The following ARPC2 variants were observed in gnomAD, a reference collection of about 807,000 sequenced individuals.
The protein encoded by ARPC2 is actin related protein 2/3 complex subunit 2.
Under a neutral mutation model 38.6 loss-of-function variants are expected in ARPC2, and 4 were observed. That is an observed-to-expected ratio of 0.10 (90% CI 0.05 to 0.24). ARPC2 has a LOEUF of 0.24. Among genes scored for constraint, ARPC2 ranks in the 10% least tolerant of loss-of-function variants. The probability of loss-of-function intolerance (pLI) is 1.00; values close to 1 mark genes in which losing one functional copy is unlikely to be tolerated. For synonymous variants in ARPC2, 125 were observed against 140.8 expected, an observed-to-expected ratio of 0.89 and a Z score of 0.79; for missense variants, 229 against 387.3, an observed-to-expected ratio of 0.59 and a Z score of 3.43.
At chr2:218,252,569 A>C (rs1690216989) in intron 10 of ARPC2, among the ~76,000 whole-genome samples, 3 of 152,192 alleles carry the variant, frequency 2.0e-5, no homozygotes. Context: ...CCCAGTAGAC[A>C]GGCAGTTCAG....
chr2:218,253,644 C>T (rs139174846), intron 10 of ARPC2, among the ~76,000 whole-genome samples: 128 of 152,308 alleles, frequency 8.4e-4, no homozygotes, highest in Admixed American at 3.9e-4. Context: ...GTTGAATGTC[C>T]TTGTGGGCTT....
Position 218,240,409 on chromosome 2 carries a change from G to A in ARPC2, c.549+925G>A, listed in dbSNP as rs182379868. On this transcript the variant is annotated intron_variant, in intron 7 of 10. Coordinates refer to ENST00000315717, the MANE Select transcript of ARPC2 (RefSeq NM_152862.3). ...AGGTTTCCTAACCCTAACCTCTTGT[G>A]TTTCCTCAGATTTCTAGTAAGGTGG... Among the ~76,000 whole-genome samples, 4 of 152,296 alleles carry A rather than the reference G, an allele frequency of 2.6e-5. No homozygotes were observed. In the East Asian group the frequency reaches 7.7e-4, roughly 29 times the overall value.
At position 218,250,817 on chromosome 2, in the gene ARPC2, A is replaced by T. The variant is rs528233679; in HGVS notation, c.878+896A>T. ...ATGAAATTCAGGCAGTCCTGTCCTTAAGATAAGGTAATAGTGTTCATTTGC... is the reference window on the plus strand; with the variant it reads ...ATGAAATTCAGGCAGTCCTGTCCTTTAGATAAGGTAATAGTGTTCATTTGC... On this transcript the variant is annotated intron_variant, in intron 10 of 10. Coordinates refer to ENST00000315717, the MANE Select transcript of ARPC2 (RefSeq NM_152862.3). Among the ~76,000 whole-genome samples, 3 of 152,104 alleles carry T rather than the reference A, an allele frequency of 2.0e-5. No individual in the cohort carries two copies. In the East Asian group the frequency reaches 5.8e-4, roughly 29 times the overall value.
At chr2:218,239,027 C>G in intron 6 of ARPC2, 177 bp downstream of exon 6, 1 of 591,552 alleles carries the variant, frequency 1.7e-6, no homozygotes. Context: ...TCCTCCTACT[C>G]TCCAGATACT....
Position 218,245,093 on chromosome 2 carries a change from A to G in ARPC2, c.550-327A>G, listed in dbSNP as rs1574591986. 2.0e-5 allele frequency among the ~76,000 whole-genome samples: 3 copies of G among 152,234 alleles called. 1 individual carries two copies. The East Asian group carries it at 5.8e-4, about 29-fold the overall frequency. ...AAATAGCAACAGGATCCTCAGTGAA[A>G]AAAGACTCATGCAAAGTCCCAGAGC... On this transcript the variant is annotated intron_variant, in intron 7 of 10. Transcript: ENST00000315717.
intron 4 of ARPC2, among the ~76,000 whole-genome samples, chr2:218,230,807 CAGG>C (rs909742811): frequency 6.6e-6 from 1 of 151,922 alleles, no homozygotes; most frequent in African/African-American, 2.4e-5. Context: ...TGCTGGAGCC[CAGG>C]AGTTCAAGTC....
intron 3 of ARPC2, among the ~76,000 whole-genome samples, chr2:218,227,484 C>T (rs1448264506): frequency 6.6e-6 from 1 of 152,040 alleles, no homozygotes; most frequent in East Asian, 1.9e-4. Context: ...AGTGCAGTGG[C>T]GTTGATAATC....
chr2:218,238,477 A>G (rs1439517510), intron 5 of ARPC2, among the ~76,000 whole-genome samples, 187 bp from the exon 6 acceptor site: 2 of 152,090 alleles, frequency 1.3e-5, no homozygotes, highest in Non-Finnish European at 2.9e-5. Flanking sequence ...GAAATAGACT[A>G]TATTCTACCC....
chr2:218,252,918 G>C (rs1384382211), intron 10 of ARPC2: 1 of 456,680 alleles, frequency 2.2e-6, no homozygotes, highest in African/African-American at 2.0e-5. Context: ...CTTAGAAAGA[G>C]CAACTTTGCC....
At chr2:218,230,352 CACAA>C (rs1689606461) in intron 4 of ARPC2, among the ~76,000 whole-genome samples, 1 of 124,452 alleles carries the variant, frequency 8.0e-6, no homozygotes, top group Non-Finnish European at 1.6e-5. Context: ...AGTGCAGTGG[CACAA>C]TCACAGCCAC....
chr2:218,221,812 A>T (rs1689389385), intron 2 of ARPC2, among the ~76,000 whole-genome samples: 1 of 152,156 alleles, frequency 6.6e-6, no homozygotes, highest in Non-Finnish European at 1.5e-5. Context: ...CCTCTTACCT[A>T]ATATGATCTA....
chr2:218,226,510 T>C (rs950818563), intron 3 of ARPC2, among the ~76,000 whole-genome samples: 1 of 148,422 alleles, frequency 6.7e-6, no homozygotes, highest in African/African-American at 2.5e-5. Flanking sequence ...GCACCTGTAG[T>C]CCCAGCTACT....
At chr2:218,248,804 A>G (rs1376159343) in intron 8 of ARPC2, among the ~76,000 whole-genome samples, 1 of 152,202 alleles carries the variant, frequency 6.6e-6, no homozygotes, top group Non-Finnish European at 1.5e-5. Flanking sequence ...GGTGGACTTC[A>G]GTCAGGCCCA....
Position 218,249,401 on chromosome 2 carries a change from C to A in ARPC2, c.714C>A (p.Asp238Glu). The change falls in exon 9 of 11, where the codon GAC becomes GAA. Residue 238 changes from aspartate (D) to glutamate (E), a missense_variant. Asp to Glu is a conservative substitution (Grantham distance 45, BLOSUM62 2). Coordinates refer to ENST00000315717, the MANE Select transcript of ARPC2 (RefSeq NM_152862.3). ...FPRHTNASAR[D>E]NTINLIHTFR... Reference sequence around the variant, plus strand: ...GTCACACCAATGCCAGTGCTCGAGACAACACCATCAACCTGATCCACACGT... The same window carrying A: ...GTCACACCAATGCCAGTGCTCGAGAAAACACCATCAACCTGATCCACACGT... The A allele has an allele frequency of 1.2e-6, 2 of 1,613,640 alleles. No individual in the cohort carries two copies. Among genetic ancestry groups the A allele is most frequent in the Non-Finnish European group, 1.7e-6 (2 of 1,179,844 alleles).
intron 10 of ARPC2, among the ~76,000 whole-genome samples, chr2:218,251,356 C>T (rs771957432): frequency 2.6e-5 from 4 of 152,120 alleles, no homozygotes; most frequent in Admixed American, 2.6e-4. Context: ...GGACTACAGG[C>T]GTGCGCCACT....
chr2:218,247,833 C>T (rs1436074159), intron 8 of ARPC2, among the ~76,000 whole-genome samples: 1 of 152,070 alleles, frequency 6.6e-6, no homozygotes, highest in Admixed American at 6.6e-5. Context: ...GTCCCAGCTA[C>T]CCTGAAGGCT....
At chr2:218,242,964 A>G (rs767729126) in intron 7 of ARPC2, among the ~76,000 whole-genome samples, 6 of 152,180 alleles carry the variant, frequency 3.9e-5, no homozygotes, top group Non-Finnish European at 7.3e-5. Context: ...TTTTTACATA[A>G]TCAAATTAAT....
intron 2 of ARPC2, among the ~76,000 whole-genome samples, chr2:218,219,626 A>G (rs996475038): frequency 6.6e-6 from 1 of 152,198 alleles, no homozygotes; most frequent in African/African-American, 2.4e-5. Flanking sequence ...CTGGGATTAC[A>G]GCACTGCTCC....
At position 218,228,721 on chromosome 2, in the gene ARPC2, A is replaced by C. The variant is rs1689565486; in HGVS notation, c.110-17A>C. On this transcript the variant is annotated splice_polypyrimidine_tract_variant and intron_variant, in intron 3 of 10. Coordinates refer to ENST00000315717, the MANE Select transcript of ARPC2 (RefSeq NM_152862.3). ...CATTCCCAAATTGTTACGCAATCTT[A>C]TTTGCTTTCCTCACAGATTTCGATG... 4 of 1,475,294 alleles carry C rather than the reference A, an allele frequency of 2.7e-6. No homozygotes were observed. The highest frequency in any genetic ancestry group is 3.8e-6 in the Non-Finnish European group (4 of 1,054,952). 91.4% of individuals were successfully genotyped at this position (1,475,294 alleles called of 1,614,324 possible). A position where few individuals can be genotyped will look rare whatever the true frequency, so the allele number is the denominator to read the frequency against.
Sources: allele counts gnomAD v4.1 joint callset (sites outside exome capture counted in the v4.1 genomes callset), GRCh38; gene constraint gnomAD v4.1.1; transcripts MANE v1.5; gene names NCBI Gene and HGNC (gene_info 2026-07-23, HGNC 2026-07-21).